The following SLC25A21 variants were observed in gnomAD, a reference collection of about 807,000 sequenced individuals.
The protein encoded by SLC25A21 is mitochondrial 2-oxodicarboxylate carrier.
Under a neutral mutation model 43.8 loss-of-function variants are expected in SLC25A21, and 47 were observed. The observed-to-expected ratio is 1.07, with a 90% CI of 0.85 to 1.37. SLC25A21 has a LOEUF of 1.37. SLC25A21 is among the 40% of genes most tolerant of loss of function. The pLI, the probability that SLC25A21 is intolerant of heterozygous loss-of-function variation, is 0.00. For missense variants in SLC25A21, 352 were observed against 350.2 expected (o/e 1.00, Z -0.04); for synonymous variants, 131 against 121.3 (o/e 1.08, Z -0.52).
At chr14:36,897,478 C>T (rs56848528) in intron 1 of SLC25A21, among the ~76,000 whole-genome samples, 6,551 of 152,006 alleles carry the variant, frequency 0.043, 238 homozygotes, top group East Asian at 0.18. Flanking sequence ...GCCATGGGTT[C>T]GAACTTCCTC....
chr14:36,971,233 T>A (rs150335690), intron 1 of SLC25A21, among the ~76,000 whole-genome samples: 1 of 152,112 alleles, frequency 6.6e-6, no homozygotes, highest in Admixed American at 6.5e-5. Context: ...AGCCCCAACA[T>A]CATTTTCTTT....
chr14:36,708,843 C>T (rs537485047), intron 7 of SLC25A21, among the ~76,000 whole-genome samples: 10 of 151,078 alleles, frequency 6.6e-5, no homozygotes, highest in East Asian at 2.0e-4. Flanking sequence ...CTCAGCCTCC[C>T]GAAGTGCTGG....
intron 1 of SLC25A21, among the ~76,000 whole-genome samples, chr14:36,902,465 G>C (rs370959073): frequency 6.7e-6 from 1 of 148,656 alleles, no homozygotes; most frequent in African/African-American, 2.5e-5. Context: ...ACACACACAC[G>C]AACTCTGAAA....
intron 1 of SLC25A21, among the ~76,000 whole-genome samples, chr14:37,118,795 A>T (rs542274055): frequency 4.2e-4 from 64 of 151,610 alleles, no homozygotes; most frequent in African/African-American, 1.5e-3. Flanking sequence ...CATTACAATA[A>T]TTTTTTTTTA....
chr14:36,705,142 A>C (rs932345730), intron 7 of SLC25A21, among the ~76,000 whole-genome samples: 25 of 151,482 alleles, frequency 1.7e-4, no homozygotes, highest in Non-Finnish European at 7.4e-5. Flanking sequence ...CCGGGTTCAC[A>C]CCATTTTCCT....
At chr14:37,027,142 G>A (rs1000619870) in intron 1 of SLC25A21, among the ~76,000 whole-genome samples, 6 of 152,092 alleles carry the variant, frequency 3.9e-5, no homozygotes, top group African/African-American at 1.4e-4. Flanking sequence ...ACAAAATACT[G>A]ATGCAATCTC....
intron 1 of SLC25A21, among the ~76,000 whole-genome samples, chr14:36,908,523 G>A (rs1471518983): frequency 6.6e-6 from 1 of 152,198 alleles, no homozygotes; most frequent in Non-Finnish European, 1.5e-5. Flanking sequence ...GCACTATCCA[G>A]TAGAAGTTTC....
chr14:36,851,293 T>C (rs1320046116), intron 2 of SLC25A21, among the ~76,000 whole-genome samples: 2 of 152,186 alleles, frequency 1.3e-5, no homozygotes, highest in African/African-American at 2.4e-5. Flanking sequence ...GGTGAGCTCC[T>C]GTTCAACCGA....
intron 1 of SLC25A21, among the ~76,000 whole-genome samples, chr14:37,100,091 C>CGG (rs1699236009): frequency 6.6e-6 from 1 of 151,752 alleles, no homozygotes; most frequent in Non-Finnish European, 1.5e-5. Context: ...TGGAGTCTCA[C>CGG]TCTGTTGCCC....
At chr14:36,882,979 TCTC>T (rs1890781908) in intron 1 of SLC25A21, among the ~76,000 whole-genome samples, 1 of 151,984 alleles carries the variant, frequency 6.6e-6, no homozygotes, top group African/African-American at 2.4e-5. Context: ...GACCTCTACT[TCTC>T]CTACTCTGGT....
intron 1 of SLC25A21, among the ~76,000 whole-genome samples, chr14:37,064,809 A>T (rs1487127099): frequency 6.6e-6 from 1 of 152,210 alleles, no homozygotes; most frequent in Non-Finnish European, 1.5e-5. Context: ...GACACCTATG[A>T]GACAGACACT....
chr14:36,767,584 C>T (rs1886461850), intron 3 of SLC25A21, among the ~76,000 whole-genome samples: 1 of 152,176 alleles, frequency 6.6e-6, no homozygotes, highest in African/African-American at 2.4e-5. Context: ...GAGAAGGGAA[C>T]CATCAAATCT....
intron 1 of SLC25A21, among the ~76,000 whole-genome samples, chr14:37,091,399 G>A (rs934435553): frequency 3.3e-5 from 5 of 150,526 alleles, no homozygotes; most frequent in East Asian, 1.9e-4. Flanking sequence ...GCACCACTGC[G>A]CTCCAGCCCA....
chr14:36,877,127 A>G (rs1890558246), intron 1 of SLC25A21, among the ~76,000 whole-genome samples: 1 of 152,152 alleles, frequency 6.6e-6, no homozygotes, highest in South Asian at 2.1e-4. Flanking sequence ...ATAAGGAAAT[A>G]AGATACTCAG....
At chr14:36,996,206 T>C (rs946814919) in intron 1 of SLC25A21, among the ~76,000 whole-genome samples, 4 of 152,200 alleles carry the variant, frequency 2.6e-5, no homozygotes, top group Non-Finnish European at 4.4e-5. Context: ...TAAATGATTG[T>C]ATCTAATATT....
At chr14:37,140,776 C>T (rs1291683993) in intron 1 of SLC25A21, among the ~76,000 whole-genome samples, 1 of 151,958 alleles carries the variant, frequency 6.6e-6, no homozygotes, top group Non-Finnish European at 1.5e-5. Flanking sequence ...TTTGAAAATA[C>T]AGTTAAAGGA....
At chr14:36,777,440 G>C (rs1194723700) in intron 3 of SLC25A21, among the ~76,000 whole-genome samples, 1 of 152,150 alleles carries the variant, frequency 6.6e-6, no homozygotes, top group Non-Finnish European at 1.5e-5. Context: ...ACCTTATTTG[G>C]AAACAGGGTC....
intron 2 of SLC25A21, among the ~76,000 whole-genome samples, chr14:36,870,116 T>C (rs1294693268): frequency 6.6e-6 from 1 of 152,176 alleles, no homozygotes; most frequent in Non-Finnish European, 1.5e-5. Context: ...CTCAAAATAA[T>C]GCAAACAATT....
intron 3 of SLC25A21, among the ~76,000 whole-genome samples, chr14:36,803,717 G>T (rs1887945457): frequency 6.6e-6 from 1 of 152,074 alleles, no homozygotes; most frequent in African/African-American, 2.4e-5. Context: ...ACTGTATAAG[G>T]CTGGCATTTT....
Sources: gnomAD v4.1 joint callset for allele counts (sites outside exome capture counted in the v4.1 genomes callset) on GRCh38, gnomAD v4.1.1 for gene constraint, MANE v1.5 for transcripts, NCBI Gene and HGNC (gene_info 2026-07-23, HGNC 2026-07-21) for gene names.